The following PCNX1 variants were observed in gnomAD, a reference collection of about 807,000 sequenced individuals.
PCNX1 encodes the protein pecanex 1, also known as pecanex-like protein 1.
PCNX1 carries 78 observed loss-of-function variants against 242.2 expected under a neutral mutation model. That is an observed-to-expected ratio of 0.32 (90% CI 0.27 to 0.39). PCNX1 has a LOEUF of 0.39. PCNX1 is among the 10% of genes least tolerant of loss of function. PCNX1 has a pLI of 1.00. For synonymous variants in PCNX1, 1,024 were observed against 1,032.9 expected (o/e 0.99, Z 0.17); for missense variants, 2,581 against 2,856.5 (o/e 0.90, Z 2.20).
intron 23 of PCNX1, among the ~76,000 whole-genome samples, chr14:71,051,374 A>T (rs1031218468): frequency 6.6e-6 from 1 of 152,150 alleles, no homozygotes; most frequent in Non-Finnish European, 1.5e-5. Context: ...TTTAATACAT[A>T]CAAGAAATGT....
At chr14:71,048,150 C>T (rs1331534994) in intron 22 of PCNX1, among the ~76,000 whole-genome samples, 166 bp downstream of exon 22, 1 of 152,056 alleles carries the variant, frequency 6.6e-6, no homozygotes, top group African/African-American at 2.4e-5. Context: ...CAAAGATAGT[C>T]ACTGTGATTT....
chr14:70,974,000 T>G (rs191267293), intron 5 of PCNX1, among the ~76,000 whole-genome samples: 102 of 151,716 alleles, frequency 6.7e-4, no homozygotes, highest in Non-Finnish European at 1.5e-4. Flanking sequence ...CCTGACAACC[T>G]CTAGTTTACT....
In PCNX1 at chr14:71,112,388, A is replaced by ATAAT. The variant is rs1453078579; in HGVS notation, c.*2455_*2458dup. 6.6e-6 allele frequency: 1 copy of ATAAT among 152,106 alleles called. No individual in the cohort carries two copies. Among genetic ancestry groups the ATAAT allele is most frequent in the Non-Finnish European group, 1.5e-5 (1 of 67,946 alleles). The allele number at this position is 152,106 out of a possible 1,614,324, so 9.4% of individuals were successfully genotyped here. A position where few individuals can be genotyped will look rare whatever the true frequency, so the allele number is the denominator to read the frequency against. ...AACAAGTTGAATTTTGTTAACATAT[A>ATAAT]TAATTCTTTAGTGAATTTATAAATT... On this transcript the variant is annotated 3_prime_UTR_variant, in exon 36 of 36. Coordinates refer to ENST00000304743, the MANE Select transcript of PCNX1 (RefSeq NM_014982.3).
chr14:71,020,142 A>G (rs1595266557), intron 12 of PCNX1, among the ~76,000 whole-genome samples: 1 of 152,128 alleles, frequency 6.6e-6, no homozygotes, highest in African/African-American at 2.4e-5. Context: ...ATAGTATTCC[A>G]TGTTGTATAT....
intron 1 of PCNX1, among the ~76,000 whole-genome samples, chr14:70,930,267 T>C (rs2084361554): frequency 6.6e-6 from 1 of 152,154 alleles, no homozygotes; most frequent in African/African-American, 2.4e-5. Context: ...CACCTCAGCC[T>C]TCCAAAGAGC....
chr14:70,946,268 C>T (rs2140298074), intron 1 of PCNX1, among the ~76,000 whole-genome samples: 1 of 152,324 alleles, frequency 6.6e-6, no homozygotes, highest in South Asian at 2.1e-4. Context: ...CCTGGTTTTA[C>T]AGTCACAGTT....
intron 30 of PCNX1, among the ~76,000 whole-genome samples, chr14:71,099,449 C>T (rs1444391704): frequency 1.3e-5 from 2 of 152,234 alleles, no homozygotes; most frequent in Admixed American, 6.5e-5. Flanking sequence ...TGAGCCACCA[C>T]GCCCGGCCTA....
chr14:71,047,753 G>C, intron 21 of PCNX1, 54 bp from the exon 22 acceptor site: 1 of 1,398,506 alleles, frequency 7.2e-7, no homozygotes, highest in Non-Finnish European at 9.9e-7. Flanking sequence ...TTAAGTTACT[G>C]TCTCTTCTAA....
chr14:70,949,425 A>T (rs2140342765), intron 2 of PCNX1, among the ~76,000 whole-genome samples: 1 of 151,728 alleles, frequency 6.6e-6, no homozygotes, highest in South Asian at 2.1e-4. Context: ...GTACATATAT[A>T]CACGTATATA....
chr14:70,963,580 G>C (rs1042596350), intron 3 of PCNX1, among the ~76,000 whole-genome samples: 3 of 151,978 alleles, frequency 2.0e-5, no homozygotes, highest in African/African-American at 7.3e-5. Flanking sequence ...TCTTGAACAG[G>C]GTCTTGTTTT....
chr14:71,010,438 T>C (rs1358321183), intron 9 of PCNX1, among the ~76,000 whole-genome samples: 2 of 152,110 alleles, frequency 1.3e-5, no homozygotes, highest in African/African-American at 4.8e-5. Flanking sequence ...TCATTTTGTT[T>C]AAAATTTCTT....
intron 8 of PCNX1, among the ~76,000 whole-genome samples, chr14:71,007,350 T>C (rs1477174605): frequency 6.6e-6 from 1 of 152,136 alleles, no homozygotes; most frequent in African/African-American, 2.4e-5. Context: ...ATATCTTTAG[T>C]TGATTTTGTC....
intron 12 of PCNX1, 21 bp from the exon 13 acceptor site, chr14:71,023,179 G>T (rs540576587): frequency 1.3e-5 from 21 of 1,597,000 alleles, no homozygotes; most frequent in Non-Finnish European, 1.8e-5. Context: ...AGTGTAATTT[G>T]TCTTTCTGTT....
chr14:71,006,900 A>G (rs1364119048), intron 8 of PCNX1, among the ~76,000 whole-genome samples: 1 of 152,182 alleles, frequency 6.6e-6, no homozygotes, highest in African/African-American at 2.4e-5. Flanking sequence ...GGACTACACC[A>G]TGAGGCCTTA....
chr14:70,996,645 G>A (rs2059361497), intron 8 of PCNX1, among the ~76,000 whole-genome samples: 1 of 152,048 alleles, frequency 6.6e-6, no homozygotes, highest in African/African-American at 2.4e-5. Context: ...TAATCTAGCT[G>A]TCTTGTTCTC....
Position 71,110,285 on chromosome 14 carries a change from T to G in PCNX1, c.*350T>G. 1 of 318,192 alleles carries G rather than the reference T, an allele frequency of 3.1e-6. No individual in the cohort carries two copies. The highest frequency in any genetic ancestry group is 8.4e-5 in the East Asian group (1 of 11,958). 19.7% of individuals were successfully genotyped at this position (318,192 alleles called of 1,614,324 possible). On this transcript the variant is annotated 3_prime_UTR_variant, in exon 36 of 36. Transcript: ENST00000304743. ...ATTTCTAAACTATGATCTCATATTT[T>G]TCTAATTTCTTTGCCAAAAATAATT...
intron 7 of PCNX1, among the ~76,000 whole-genome samples, chr14:70,990,374 A>G (rs1250346179): frequency 6.6e-6 from 1 of 151,808 alleles, no homozygotes; most frequent in Non-Finnish European, 1.5e-5. Flanking sequence ...ACTAGCCAAC[A>G]TGGTGAAACC....
chr14:71,019,738 TC>T (rs2060049370), intron 12 of PCNX1, among the ~76,000 whole-genome samples: 1 of 151,896 alleles, frequency 6.6e-6, no homozygotes, highest in Non-Finnish European at 1.5e-5. Context: ...GAACTTGCAT[TC>T]TTTTTTTTTT....
intron 29 of PCNX1, among the ~76,000 whole-genome samples, chr14:71,088,696 T>A (rs941896205): frequency 4.6e-5 from 7 of 152,268 alleles, no homozygotes; most frequent in East Asian, 1.9e-4. Flanking sequence ...AACCACCCCA[T>A]GAATTTTGAT....
Sources: allele counts gnomAD v4.1 joint callset (sites outside exome capture counted in the v4.1 genomes callset), GRCh38; gene constraint gnomAD v4.1.1; transcripts MANE v1.5; gene names NCBI Gene and HGNC (gene_info 2026-07-23, HGNC 2026-07-21).